The following SLC25A48 variants were observed in gnomAD, a reference collection of about 807,000 sequenced individuals.
SLC25A48 encodes the protein solute carrier family 25 member 48.
Under a neutral mutation model 32.2 loss-of-function variants are expected in SLC25A48, and 29 were observed. That is an observed-to-expected ratio of 0.90 (90% CI 0.67 to 1.23). The LOEUF is 1.23. SLC25A48 is among the 50% of genes most tolerant of loss of function. SLC25A48 has a pLI of 0.00. For synonymous variants in SLC25A48, 164 were observed against 172.3 expected, an observed-to-expected ratio of 0.95 and a Z score of 0.38; for missense variants, 399 against 422.7, an observed-to-expected ratio of 0.94 and a Z score of 0.49.
At chr5:135,611,838 C>T (rs1024658907) in intron 1 of SLC25A48, among the ~76,000 whole-genome samples, 7 of 152,210 alleles carry the variant, frequency 4.6e-5, no homozygotes, top group Non-Finnish European at 1.0e-4. Flanking sequence ...TTATTCCAAC[C>T]TCTGCTACTT....
Position 135,879,955 on chromosome 5 carries a change from C to T in SLC25A48, c.814-13C>T, listed in dbSNP as rs1762341288. ...GGGTCAGTCCCCTGCAATAACCTGGCCCCTGTGCAAAGGTGTTTTTCAGAG... is the reference window on the plus strand; with the variant it reads ...GGGTCAGTCCCCTGCAATAACCTGGTCCCTGTGCAAAGGTGTTTTTCAGAG... On this transcript the variant is annotated splice_polypyrimidine_tract_variant and intron_variant, in intron 6 of 7. Coordinates refer to ENST00000681962, the MANE Select transcript of SLC25A48 (RefSeq NM_001349336.2). The T allele has an allele frequency of 6.5e-7, 1 of 1,536,118 alleles. No individual in the cohort carries two copies. Among genetic ancestry groups the T allele is most frequent in the African/African-American group, 1.4e-5 (1 of 73,132 alleles).
chr5:135,581,810 GGT>G (rs1354303795), intron 1 of SLC25A48, among the ~76,000 whole-genome samples: 7 of 152,374 alleles, frequency 4.6e-5, no homozygotes, highest in African/African-American at 1.4e-4. Flanking sequence ...CTGGAGCCAT[GGT>G]ACAGGAGAGC....
intron 4 of SLC25A48, among the ~76,000 whole-genome samples, chr5:135,863,248 C>T (rs568739666): frequency 1.4e-4 from 22 of 152,274 alleles, no homozygotes; most frequent in Non-Finnish European, 2.4e-4. Flanking sequence ...ACATCTAAGA[C>T]GGTTCTTGGC....
intron 2 of SLC25A48, among the ~76,000 whole-genome samples, chr5:135,844,414 T>G (rs1759250172): frequency 6.6e-6 from 1 of 152,210 alleles, no homozygotes; most frequent in South Asian, 2.1e-4. Flanking sequence ...TCATTCCCAG[T>G]CTGTCTTCTC....
chr5:135,772,233 T>C (rs1420648537), intron 3 of SLC25A48, among the ~76,000 whole-genome samples: 1 of 150,550 alleles, frequency 6.6e-6, no homozygotes, highest in Non-Finnish European at 1.5e-5. Context: ...GGTGTACACC[T>C]TTCTGAGATA....
intron 3 of SLC25A48, among the ~76,000 whole-genome samples, chr5:135,665,447 T>A (rs1447210405): frequency 6.6e-6 from 1 of 152,154 alleles, no homozygotes; most frequent in African/African-American, 2.4e-5. Flanking sequence ...CATTTATTTA[T>A]TTTTGTTTAT....
At chr5:135,807,146 A>G (rs747491676) in intron 3 of SLC25A48, among the ~76,000 whole-genome samples, 5 of 150,844 alleles carry the variant, frequency 3.3e-5, no homozygotes, top group Non-Finnish European at 7.4e-5. Flanking sequence ...TATGAATATC[A>G]TAGTGTGTTT....
At chr5:135,845,755 G>T (rs1421018555) in intron 2 of SLC25A48, among the ~76,000 whole-genome samples, 6 of 152,342 alleles carry the variant, frequency 3.9e-5, no homozygotes, top group African/African-American at 1.4e-4. Flanking sequence ...ACAGGCTGGA[G>T]TGCAGGGAGG....
intron 4 of SLC25A48, among the ~76,000 whole-genome samples, chr5:135,815,532 C>T (rs1327412183): frequency 3.3e-5 from 5 of 152,168 alleles, no homozygotes; most frequent in Non-Finnish European, 7.3e-5. Flanking sequence ...AGAGCATCAA[C>T]CACACAGAAA....
chr5:135,762,770 G>A (rs1756094624), intron 3 of SLC25A48, among the ~76,000 whole-genome samples: 1 of 152,086 alleles, frequency 6.6e-6, no homozygotes, highest in Non-Finnish European at 1.5e-5. Flanking sequence ...CATGTGTGTA[G>A]GTTAGAGGAT....
intron 1 of SLC25A48, among the ~76,000 whole-genome samples, chr5:135,839,152 T>C (rs568006994): frequency 4.6e-5 from 7 of 152,340 alleles, no homozygotes; most frequent in Non-Finnish European, 4.4e-5. Context: ...TCAGAGCACT[T>C]TCCTTTGCAG....
chr5:135,814,132 G>A (rs1157360664), intron 4 of SLC25A48, among the ~76,000 whole-genome samples: 1 of 152,206 alleles, frequency 6.6e-6, no homozygotes, highest in Non-Finnish European at 1.5e-5. Context: ...GGTGTTGAGA[G>A]TGACTTCTCA....
intron 3 of SLC25A48, among the ~76,000 whole-genome samples, chr5:135,754,596 T>A (rs924357027): frequency 6.6e-6 from 1 of 151,896 alleles, no homozygotes; most frequent in African/African-American, 2.4e-5. Flanking sequence ...GATGTTAATA[T>A]CACAGTGTGT....
chr5:135,696,814 C>T (rs1413722156), intron 3 of SLC25A48, among the ~76,000 whole-genome samples: 1 of 152,200 alleles, frequency 6.6e-6, no homozygotes, highest in African/African-American at 2.4e-5. Context: ...AGCCTTTCCA[C>T]CTCCTGCCAA....
chr5:135,872,037 C>T, intron 5 of SLC25A48: 1 of 1,254,062 alleles, frequency 8.0e-7, no homozygotes, highest in Non-Finnish European at 1.0e-6. Flanking sequence ...TAAATGCAAT[C>T]TTTGTAATGT....
chr5:135,685,005 C>T (rs534144635), intron 3 of SLC25A48, among the ~76,000 whole-genome samples: 11 of 152,202 alleles, frequency 7.2e-5, no homozygotes, highest in Non-Finnish European at 1.5e-4. Flanking sequence ...GAGGCTGTAT[C>T]AGTTTACACT....
chr5:135,677,382 T>TC (rs35708263), intron 3 of SLC25A48, among the ~76,000 whole-genome samples: 120,213 of 151,826 alleles, frequency 0.79, 47,956 homozygotes, highest in Middle Eastern at 0.89. Flanking sequence ...GTATTTTAAA[T>TC]CATTCAGCCA....
chr5:135,595,695 A>G (rs1384312308), intron 1 of SLC25A48, among the ~76,000 whole-genome samples: 2 of 152,144 alleles, frequency 1.3e-5, no homozygotes, highest in Non-Finnish European at 2.9e-5. Flanking sequence ...CTGAGACTCC[A>G]TTTCTTCATT....
chr5:135,793,533 T>G (rs1757087905), intron 3 of SLC25A48, among the ~76,000 whole-genome samples: 2 of 151,952 alleles, frequency 1.3e-5, no homozygotes, highest in Non-Finnish European at 2.9e-5. Flanking sequence ...GGAATATTAT[T>G]CGTAATATCC....
Sources: allele counts gnomAD v4.1 joint callset (sites outside exome capture counted in the v4.1 genomes callset), GRCh38; gene constraint gnomAD v4.1.1; transcripts MANE v1.5; gene names NCBI Gene and HGNC (gene_info 2026-07-23, HGNC 2026-07-21).